The following FAM117B variants were observed in gnomAD, a reference collection of about 807,000 sequenced individuals.
FAM117B encodes family with sequence similarity 117 member B, also known as protein FAM117B.
Under a neutral mutation model 52.8 loss-of-function variants are expected in FAM117B, and 22 were observed. The ratio of observed to expected loss-of-function variants is 0.42; its 90% CI spans 0.30 to 0.59. The LOEUF is 0.59. FAM117B is among the 20% of genes least tolerant of loss of function. FAM117B has a pLI of 0.22. For synonymous variants in FAM117B, 309 were observed against 324.1 expected (o/e 0.95, Z 0.50); for missense variants, 678 against 802.6 (o/e 0.84, Z 1.88).
chr2:202,680,218 G>T (rs1375372375), intron 1 of FAM117B, among the ~76,000 whole-genome samples: 1 of 152,052 alleles, frequency 6.6e-6, no homozygotes, highest in African/African-American at 2.4e-5. Context: ...GTGATAACAT[G>T]GGCGTGATTG....
intron 4 of FAM117B, among the ~76,000 whole-genome samples, chr2:202,747,502 C>G (rs1296349233): frequency 2.0e-5 from 3 of 152,002 alleles, no homozygotes; most frequent in African/African-American, 7.2e-5. Context: ...ATGACATGAT[C>G]TTATATATGG....
intron 4 of FAM117B, among the ~76,000 whole-genome samples, chr2:202,745,006 G>GCATGC (rs1384710542): frequency 2.1e-5 from 3 of 144,686 alleles, no homozygotes; most frequent in Admixed American, 7.1e-5. Context: ...AAAAGGCTGG[G>GCATGC]CATGGTCTTT....
intron 7 of FAM117B, among the ~76,000 whole-genome samples, chr2:202,761,532 AT>A (rs1348895358): frequency 6.6e-6 from 1 of 151,224 alleles, no homozygotes; most frequent in African/African-American, 2.4e-5. Context: ...TTTTGTTTTT[AT>A]TTTTTTTCTT....
Position 202,765,585 on chromosome 2 carries a change from G to A in FAM117B, c.1591G>A (p.Gly531Ser), listed in dbSNP as rs1415385252. ...LLPTPDLTLK[G>S]SGHSLTVTTG... The stretch of plus-strand genomic sequence containing the variant: ...TCCTACCCCGGATCTTACACTCAAG[G>A]GCTCTGGCCACAGCCTGACAGTCAC... Residue 531 changes from glycine (G) to serine (S), a missense_variant, in exon 8 of 8, where the codon GGC becomes AGC. By Grantham distance (56) the Gly-to-Ser change is moderately conservative. This residue lies in a region of FAM117B where 68 missense variants were observed against 80.6 expected (regional missense o/e 0.84). Coordinates refer to ENST00000392238, the MANE Select transcript of FAM117B (RefSeq NM_173511.4). 2 of 1,613,898 alleles carry A rather than the reference G, an allele frequency of 1.2e-6. No homozygotes were observed. The highest frequency in any genetic ancestry group is 1.7e-6 in the Non-Finnish European group (2 of 1,180,004).
chr2:202,757,538 T>C, intron 6 of FAM117B, 100 bp downstream of exon 6: 1 of 1,246,708 alleles, frequency 8.0e-7, no homozygotes, highest in Non-Finnish European at 1.1e-6. Context: ...CACTCGAGGC[T>C]ACTCAGTTAA....
chr2:202,662,669 C>T (rs572752282), intron 1 of FAM117B, among the ~76,000 whole-genome samples: 83 of 152,162 alleles, frequency 5.5e-4, no homozygotes, highest in South Asian at 4.2e-3. Context: ...GGTCAAACCC[C>T]GTCACTACTA....
chr2:202,660,382 T>G (rs934629838), intron 1 of FAM117B, among the ~76,000 whole-genome samples: 3 of 152,104 alleles, frequency 2.0e-5, no homozygotes, highest in Non-Finnish European at 4.4e-5. Flanking sequence ...GGGCTGTGGT[T>G]CTAATGTCAA....
At chr2:202,753,526 A>G (rs1444513428) in intron 4 of FAM117B, among the ~76,000 whole-genome samples, 1 of 152,240 alleles carries the variant, frequency 6.6e-6, no homozygotes, top group Non-Finnish European at 1.5e-5. Context: ...GATCTAATTA[A>G]GCTAAAGAGC....
At chr2:202,733,815 A>G (rs1691396261) in intron 4 of FAM117B, among the ~76,000 whole-genome samples, 1 of 152,208 alleles carries the variant, frequency 6.6e-6, no homozygotes, top group South Asian at 2.1e-4. Flanking sequence ...TTTGTACAAT[A>G]GTGTTCCTGA....
At chr2:202,667,496 G>A (rs746159620) in intron 1 of FAM117B, among the ~76,000 whole-genome samples, 10 of 152,036 alleles carry the variant, frequency 6.6e-5, no homozygotes, top group Non-Finnish European at 1.2e-4. Context: ...GTGTGCGTGC[G>A]CGCGCATGTG....
intron 1 of FAM117B, among the ~76,000 whole-genome samples, chr2:202,687,414 G>A (rs1024865583): frequency 1.3e-5 from 2 of 152,050 alleles, no homozygotes; most frequent in African/African-American, 4.8e-5. Flanking sequence ...GATGGGTGCA[G>A]ATTTATTTAT....
chr2:202,684,311 C>G (rs745366242), intron 1 of FAM117B, among the ~76,000 whole-genome samples: 32 of 152,118 alleles, frequency 2.1e-4, no homozygotes, highest in Non-Finnish European at 4.1e-4. Context: ...CCTTATTATT[C>G]GCAGATTTTG....
intron 2 of FAM117B, among the ~76,000 whole-genome samples, chr2:202,703,197 T>C (rs1044763431): frequency 1.3e-5 from 2 of 152,258 alleles, no homozygotes; most frequent in African/African-American, 4.8e-5. Flanking sequence ...TTAATACCAC[T>C]GGCAGTTAAT....
intron 2 of FAM117B, among the ~76,000 whole-genome samples, chr2:202,704,294 T>A (rs1690841235): frequency 6.6e-6 from 1 of 152,240 alleles, no homozygotes; most frequent in African/African-American, 2.4e-5. Flanking sequence ...ATTAAAGTGA[T>A]TACCTTTATT....
intron 1 of FAM117B, among the ~76,000 whole-genome samples, chr2:202,683,642 G>C (rs939355301): frequency 3.3e-5 from 5 of 152,136 alleles, no homozygotes; most frequent in African/African-American, 1.2e-4. Context: ...GAATATCCCT[G>C]TATCTATTTA....
At chr2:202,755,948 ACTT>A (rs1417141808) in intron 5 of FAM117B, among the ~76,000 whole-genome samples, 1 of 152,206 alleles carries the variant, frequency 6.6e-6, no homozygotes, top group African/African-American at 2.4e-5. Flanking sequence ...TAGGTGATAT[ACTT>A]CTTATTTGCT....
At chr2:202,662,967 C>T (rs916542449) in intron 1 of FAM117B, among the ~76,000 whole-genome samples, 2 of 152,102 alleles carry the variant, frequency 1.3e-5, no homozygotes, top group Non-Finnish European at 2.9e-5. Flanking sequence ...TAAACATGTA[C>T]GATTGTTAAT....
At position 202,747,766 on chromosome 2, in the gene FAM117B, A is replaced by G. The variant is rs116543978; in HGVS notation, c.961-7772A>G. On this transcript the variant is annotated intron_variant, in intron 4 of 7. Coordinates refer to ENST00000392238, the MANE Select transcript of FAM117B (RefSeq NM_173511.4). ...AAATTTAACCAAGGAAATGAAAGAT[A>G]TCTACAACAAAAACTGCAAACACTA... Among the ~76,000 whole-genome samples the G allele has an allele frequency of 8.4e-3, 1,275 of 152,280 alleles. 15 individuals carry two copies. The highest frequency in any genetic ancestry group is 0.029 in the African/African-American group (1,201 of 41,572).
intron 2 of FAM117B, among the ~76,000 whole-genome samples, chr2:202,714,533 CTT>C (rs1034689626): frequency 4.2e-5 from 5 of 117,654 alleles, no homozygotes; most frequent in African/African-American, 1.0e-4. Flanking sequence ...TTTTTTTTTT[CTT>C]TTTTTTTTTT....
Sources: gnomAD v4.1 joint callset for allele counts (sites outside exome capture counted in the v4.1 genomes callset) on GRCh38, gnomAD v4.1.1 for gene constraint, gnomAD v4.1.1 regional missense constraint, MANE v1.5 for transcripts, NCBI Gene and HGNC (gene_info 2026-07-23, HGNC 2026-07-21) for gene names.